The following SLC26A8 variants were observed in gnomAD, a reference collection of about 807,000 sequenced individuals.
SLC26A8 encodes testis anion transporter 1.
In SLC26A8, 70 loss-of-function variants were observed where a neutral mutation model predicts 105.0. The ratio of observed to expected loss-of-function variants is 0.67; its 90% confidence interval spans 0.55 to 0.81. SLC26A8 has a LOEUF of 0.81. Ranked by LOEUF, SLC26A8 falls within the 40% of genes least tolerant of loss-of-function variation. The probability of loss-of-function intolerance (pLI) is 0.00; values close to 1 mark genes in which losing one functional copy is unlikely to be tolerated. For missense variants in SLC26A8, 998 were observed against 1,181.8 expected, an observed-to-expected ratio of 0.84 and a Z score of 2.28; for synonymous variants, 415 against 438.3, an observed-to-expected ratio of 0.95 and a Z score of 0.66.
chr6:35,958,505 A>G (rs1160212070), intron 16 of SLC26A8, among the ~76,000 whole-genome samples: 1 of 151,344 alleles, frequency 6.6e-6, no homozygotes. Context: ...AAAGAAAAAA[A>G]CAAGCCAGGT....
At chr6:35,978,326 G>C (rs1023277211) in intron 8 of SLC26A8, among the ~76,000 whole-genome samples, 3 of 151,876 alleles carry the variant, frequency 2.0e-5, no homozygotes, top group East Asian at 3.8e-4. Context: ...ACAGACTATA[G>C]AAGGAAAAAA....
chr6:35,960,811 G>A (rs773302689), intron 14 of SLC26A8, 32 bp downstream of exon 14: 1 of 1,605,200 alleles, frequency 6.2e-7, no homozygotes, highest in Non-Finnish European at 8.5e-7. Flanking sequence ...CTATCCCTTA[G>A]GCAGAGAAAT....
At chr6:35,978,330 G>GA (rs1359388520) in intron 8 of SLC26A8, among the ~76,000 whole-genome samples, 4 of 151,142 alleles carry the variant, frequency 2.6e-5, no homozygotes, top group East Asian at 1.9e-4. Context: ...ACTATAGAAG[G>GA]AAAAAAAAAT....
chr6:35,946,446 AG>A (rs1355994779), intron 19 of SLC26A8, among the ~76,000 whole-genome samples: 9 of 152,166 alleles, frequency 5.9e-5, no homozygotes, highest in Non-Finnish European at 1.3e-4. Flanking sequence ...CATGTTGGCC[AG>A]GCTAGTCTCG....
chr6:35,988,135 T>C (rs1773602869), intron 7 of SLC26A8, among the ~76,000 whole-genome samples: 1 of 151,978 alleles, frequency 6.6e-6, no homozygotes. Context: ...GGTCTTGAAT[T>C]CCTGACCTCA....
At chr6:35,988,278 C>T (rs1429913118) in intron 7 of SLC26A8, among the ~76,000 whole-genome samples, 2 of 152,130 alleles carry the variant, frequency 1.3e-5, no homozygotes, top group African/African-American at 2.4e-5. Context: ...ATGAAAATAT[C>T]TTTATCATGG....
chr6:35,977,595 G>T (rs1773090331), intron 8 of SLC26A8, among the ~76,000 whole-genome samples: 1 of 152,168 alleles, frequency 6.6e-6, no homozygotes, highest in African/African-American at 2.4e-5. Flanking sequence ...GGTAGCAATG[G>T]CAGTAAACAG....
intron 16 of SLC26A8, among the ~76,000 whole-genome samples, chr6:35,958,991 C>T (rs1772203308): frequency 6.6e-6 from 1 of 152,182 alleles, no homozygotes; most frequent in Non-Finnish European, 1.5e-5. Context: ...TCCCCCATCT[C>T]CCATCATCAT....
intron 7 of SLC26A8, among the ~76,000 whole-genome samples, 181 bp downstream of exon 7, chr6:35,991,478 C>A (rs942472429): frequency 4.0e-5 from 6 of 150,998 alleles, no homozygotes; most frequent in South Asian, 4.2e-4. Context: ...ACAATAGATT[C>A]AATTTTTAGT....
chr6:36,011,410 G>A (rs568521455), intron 3 of SLC26A8, among the ~76,000 whole-genome samples: 133 of 152,310 alleles, frequency 8.7e-4, no homozygotes, highest in South Asian at 1.7e-3. Flanking sequence ...GACTCTGGAA[G>A]CAATATTTAT....
intron 2 of SLC26A8, among the ~76,000 whole-genome samples, chr6:36,017,493 G>A (rs112058187): frequency 0.14 from 21,092 of 152,064 alleles, 1,499 homozygotes; most frequent in Non-Finnish European, 0.15. Context: ...TTAGCTGGGC[G>A]TGGTGGCACC....
At chr6:35,965,086 A>G (rs983982402) in intron 11 of SLC26A8, among the ~76,000 whole-genome samples, 1 of 152,220 alleles carries the variant, frequency 6.6e-6, no homozygotes, top group South Asian at 2.1e-4. Context: ...TTCATGCTAT[A>G]TATTAAATAA....
chr6:36,004,326 A>T (rs851047), intron 3 of SLC26A8, among the ~76,000 whole-genome samples: 85,140 of 151,770 alleles, frequency 0.56, 24,209 homozygotes, highest in South Asian at 0.71. Context: ...TCCACCCGCC[A>T]CAACCTCCCA....
chr6:35,963,397 C>T (rs974158537), intron 11 of SLC26A8, among the ~76,000 whole-genome samples: 17 of 152,164 alleles, frequency 1.1e-4, no homozygotes, highest in South Asian at 2.1e-4. Context: ...CGTTTTACAA[C>T]CCTAAGCTCC....
chr6:35,968,605 G>GAATATATATATATA (rs1402291129), intron 11 of SLC26A8, among the ~76,000 whole-genome samples: 12 of 53,856 alleles, frequency 2.2e-4, no homozygotes, highest in South Asian at 1.2e-3. Context: ...GTGTGTGTGT[G>GAATATATATATATA]TGTGTATATA....
intron 7 of SLC26A8, among the ~76,000 whole-genome samples, chr6:35,987,764 G>A (rs1308328082): frequency 2.0e-5 from 3 of 152,162 alleles, no homozygotes; most frequent in African/African-American, 7.2e-5. Context: ...TGGCTCAAAA[G>A]TCACAGGGTC....
chr6:36,015,106 CTTTTTT>C (rs771966624), intron 2 of SLC26A8, among the ~76,000 whole-genome samples: 5 of 127,034 alleles, frequency 3.9e-5, no homozygotes, highest in East Asian at 2.2e-4. Context: ...CAAAATTGTG[CTTTTTT>C]TTTTTTTTTT....
intron 3 of SLC26A8, among the ~76,000 whole-genome samples, chr6:36,011,526 C>A (rs1272194414): frequency 6.6e-6 from 1 of 152,190 alleles, no homozygotes; most frequent in Non-Finnish European, 1.5e-5. Flanking sequence ...ATCTGAACTG[C>A]TACTTGGAAG....
At chr6:35,958,613 A>C (rs2127297428) in intron 16 of SLC26A8, among the ~76,000 whole-genome samples, 1 of 152,228 alleles carries the variant, frequency 6.6e-6, no homozygotes, top group African/African-American at 2.4e-5. Flanking sequence ...ACATGGTGAA[A>C]CCCCTTCTCA....
Sources: allele counts gnomAD v4.1 joint callset (sites outside exome capture counted in the v4.1 genomes callset), GRCh38; gene constraint gnomAD v4.1.1; transcripts MANE v1.5; gene names NCBI Gene and HGNC (gene_info 2026-07-23, HGNC 2026-07-21).